ARHGEF10L: variants seen among roughly 807,000 people sequenced by gnomAD.
ARHGEF10L encodes the protein rho guanine nucleotide exchange factor 10-like protein.
ARHGEF10L carries 69 observed loss-of-function variants against 141.2 expected under a neutral mutation model. That is an observed-to-expected ratio of 0.49 (90% CI 0.40 to 0.60). The LOEUF (loss-of-function observed/expected upper bound fraction) is 0.60. ARHGEF10L is among the 20% of genes least tolerant of loss of function. The pLI, the probability that ARHGEF10L is intolerant of heterozygous loss-of-function variation, is 0.00. For missense variants in ARHGEF10L, 1,482 were observed against 1,734.3 expected (o/e 0.85, Z 2.58); for synonymous variants, 711 against 718.5 (o/e 0.99, Z 0.17).
chr1:17,618,674 C>G (rs1415200287), intron 9 of ARHGEF10L, among the ~76,000 whole-genome samples: 1 of 152,224 alleles, frequency 6.6e-6, no homozygotes, highest in African/African-American at 2.4e-5. Flanking sequence ...TCCCCTCTCC[C>G]GGCACCTGTA....
chr1:17,654,341 G>A lies in ARHGEF10L; in HGVS notation c.2395-295G>A, dbSNP rs954212353. Among the ~76,000 whole-genome samples the A allele has an allele frequency of 2.6e-5, 4 of 152,176 alleles. No individual in the cohort carries two copies. Among genetic ancestry groups the A allele is most frequent in the African/African-American group, 7.2e-5 (3 of 41,450 alleles). ...TTCCCTGTTTGTAAAATAAGGAGGG[G>A]TGGGTGGCTTTCAAGAAATCTTATC... On this transcript the variant is annotated intron_variant, in intron 22 of 28. Coordinates refer to ENST00000361221, the MANE Select transcript of ARHGEF10L (RefSeq NM_018125.4). This position sits in a 1 kb window ranked among gnomAD's most constrained non-coding sequence, Gnocchi z 4.3.
chr1:17,684,391 C>T (rs894239691), intron 26 of ARHGEF10L, among the ~76,000 whole-genome samples: 3 of 152,202 alleles, frequency 2.0e-5, no homozygotes, highest in African/African-American at 7.2e-5. Context: ...GAGATGGGGG[C>T]ATGGTCTCTC....
Position 17,633,449 on chromosome 1 carries a change from T to C in ARHGEF10L, c.1730+983T>C, listed in dbSNP as rs564791754. Among the ~76,000 whole-genome samples, 9 of 152,306 alleles carry C rather than the reference T, an allele frequency of 5.9e-5. No homozygotes were observed. The East Asian group carries it at 1.5e-3, about 26-fold the overall frequency. On this transcript the variant is annotated intron_variant, in intron 16 of 28. Coordinates refer to ENST00000361221, the MANE Select transcript of ARHGEF10L (RefSeq NM_018125.4). ...ACCTCTGCCTCCTGGGTTTAAGTGATTCTTCTGCCTCAGCCTCCCGAGTAG... is the reference window on the plus strand; with the variant it reads ...ACCTCTGCCTCCTGGGTTTAAGTGACTCTTCTGCCTCAGCCTCCCGAGTAG...
chr1:17,679,474 C>T (rs181647890), intron 26 of ARHGEF10L, among the ~76,000 whole-genome samples: 1 of 152,274 alleles, frequency 6.6e-6, no homozygotes, highest in African/African-American at 2.4e-5. Context: ...TTTGGGGCTT[C>T]CAGTGCCGCA....
At chr1:17,618,895 C>T (rs565592836) in intron 9 of ARHGEF10L, among the ~76,000 whole-genome samples, 5 of 152,324 alleles carry the variant, frequency 3.3e-5, no homozygotes, top group South Asian at 2.1e-4. Context: ...TGCCAAACCA[C>T]GCTGCCCTGT....
intron 1 of ARHGEF10L, among the ~76,000 whole-genome samples, chr1:17,576,400 C>T (rs1487082776): frequency 6.6e-6 from 1 of 152,094 alleles, no homozygotes; most frequent in Admixed American, 6.5e-5. Flanking sequence ...CTGAGCCTAA[C>T]CTGCTCCGGG....
Position 17,623,960 on chromosome 1 carries a change from G to T in ARHGEF10L, c.1201-427G>T, listed in dbSNP as rs1489731466. ...CCCTCCCTTGGTAACTCAACTCTGG[G>T]CACGCTGCCCGGTGAGAGGCCAGGA... is the stretch of plus-strand genomic sequence containing the variant. On this transcript the variant is annotated intron_variant, in intron 12 of 28. Coordinates refer to ENST00000361221, the MANE Select transcript of ARHGEF10L (RefSeq NM_018125.4). This position sits in a 1 kb window ranked among gnomAD's most constrained non-coding sequence, Gnocchi z 4.7. Among the ~76,000 whole-genome samples, 1 of 152,190 alleles carries T rather than the reference G, an allele frequency of 6.6e-6. No individual in the cohort carries two copies. The highest frequency in any genetic ancestry group is 2.4e-5 in the African/African-American group (1 of 41,438).
chr1:17,514,891 C>A, the ARHGEF10L span, among the ~76,000 whole-genome samples: 1 of 152,142 alleles, frequency 6.6e-6, no homozygotes, highest in South Asian at 2.1e-4. Flanking sequence ...GGCCTCTGAG[C>A]CTCTCGTGCC....
chr1:17,632,274 C>T (rs2060739043), intron 15 of ARHGEF10L, 47 bp from the exon 16 acceptor site: 3 of 1,605,936 alleles, frequency 1.9e-6, no homozygotes, highest in African/African-American at 2.7e-5. Flanking sequence ...CGCGGTAAAG[C>T]CGCCGGGCCG....
chr1:17,555,691 T>A (rs1380915868), intron 1 of ARHGEF10L, among the ~76,000 whole-genome samples: 1 of 152,158 alleles, frequency 6.6e-6, no homozygotes, highest in African/African-American at 2.4e-5. Context: ...GTGGACTGAT[T>A]ATGGAGTTTT....
At chr1:17,566,736 C>T (rs1466663733) in intron 1 of ARHGEF10L, among the ~76,000 whole-genome samples, 2 of 152,196 alleles carry the variant, frequency 1.3e-5, no homozygotes, top group Admixed American at 1.3e-4. Context: ...TCTTGAATCT[C>T]AGTTCAGCCC....
chr1:17,615,983 G>C lies in ARHGEF10L; in HGVS notation c.727-111G>C. 1 of 847,152 alleles carries C rather than the reference G, an allele frequency of 1.2e-6. No individual in the cohort carries two copies. Among genetic ancestry groups the C allele is most frequent in the Non-Finnish European group, 2.0e-6 (1 of 503,350 alleles). The allele number at this position is 847,152 out of a possible 1,614,324, so 52.5% of individuals were successfully genotyped here. ...TTTGCTCACGGACCTGGGAGGGAAGGGTCTGGGTGGTTCTGATCTCTGCAG... is the reference window on the plus strand; with the variant it reads ...TTTGCTCACGGACCTGGGAGGGAAGCGTCTGGGTGGTTCTGATCTCTGCAG... On this transcript the variant is annotated intron_variant, in intron 8 of 28. Transcript: ENST00000361221. This position sits in a 1 kb window ranked among gnomAD's most constrained non-coding sequence, Gnocchi z 4.7.
intron 7 of ARHGEF10L, among the ~76,000 whole-genome samples, chr1:17,611,330 C>A (rs1040196006): frequency 1.3e-5 from 2 of 152,224 alleles, no homozygotes; most frequent in Admixed American, 1.3e-4. Context: ...GTCCTGCATG[C>A]ATACTTCTTT....
chr1:17,638,690 G>A lies in ARHGEF10L; in HGVS notation c.2171+1G>A. On this transcript the variant is annotated splice_donor_variant, in intron 20 of 28. Coordinates refer to ENST00000361221, the MANE Select transcript of ARHGEF10L (RefSeq NM_018125.4). LOFTEE classifies it high-confidence loss of function. ...TCCTGCTTCCTGGGAAACCCGACAA[G>A]TGAGAGGAGGGGGTCTTGGAGGGAG... The A allele has an allele frequency of 6.2e-7, 1 of 1,613,950 alleles. No individual in the cohort carries two copies. Among genetic ancestry groups the A allele is most frequent in the Non-Finnish European group, 8.5e-7 (1 of 1,180,014 alleles).
chr1:17,687,820 G>C, intron 27 of ARHGEF10L, 73 bp downstream of exon 27: 4 of 1,453,804 alleles, frequency 2.8e-6, no homozygotes, highest in Non-Finnish European at 3.7e-6. Context: ...GGTGTGACCT[G>C]GGCAGCCCAT....
chr1:17,569,365 A>C (rs2077894407), intron 1 of ARHGEF10L, among the ~76,000 whole-genome samples: 1 of 152,070 alleles, frequency 6.6e-6, no homozygotes, highest in African/African-American at 2.4e-5. Context: ...ATTCAGCCAG[A>C]GCTATCCTGG....
At chr1:17,593,839 C>A (rs2079825402) in intron 4 of ARHGEF10L, among the ~76,000 whole-genome samples, 1 of 151,830 alleles carries the variant, frequency 6.6e-6, no homozygotes, top group Non-Finnish European at 1.5e-5. Flanking sequence ...ATCGTGGGCA[C>A]CATTTTGCAG....
At chr1:17,528,736 G>A in the ARHGEF10L span, among the ~76,000 whole-genome samples, 1 of 152,126 alleles carries the variant, frequency 6.6e-6, no homozygotes, top group African/African-American at 2.4e-5. Flanking sequence ...TCCTGCCCTC[G>A]GGGGATAATA....
At chr1:17,514,856 TG>T in the ARHGEF10L span, among the ~76,000 whole-genome samples, 2 of 152,000 alleles carry the variant, frequency 1.3e-5, no homozygotes, top group Admixed American at 6.6e-5. Flanking sequence ...TGGCTGGAGG[TG>T]GGGGAGGAGG....
Sources: gnomAD v4.1 joint callset for allele counts (sites outside exome capture counted in the v4.1 genomes callset) on GRCh38, gnomAD v4.1.1 for gene constraint, Gnocchi (gnomAD v3.1) non-coding constraint, MANE v1.5 for transcripts, NCBI Gene and HGNC (gene_info 2026-07-23, HGNC 2026-07-21) for gene names.